The following STON1 variants were observed in gnomAD, a reference collection of about 807,000 sequenced individuals.
The protein encoded by STON1 is stonin-1.
A neutral mutation model predicts 60.9 loss-of-function variants in STON1; 79 were observed. The observed-to-expected ratio is 1.30, with a 90% confidence interval of 1.08 to 1.56. The LOEUF (loss-of-function observed/expected upper bound fraction) is 1.56, where lower values mean the gene tolerates loss of function less well. Ranked by LOEUF, STON1 falls within the 40% of genes most tolerant of loss-of-function variation. The probability of loss-of-function intolerance (pLI) is 0.00; values close to 1 mark genes in which losing one functional copy is unlikely to be tolerated. For synonymous variants in STON1, 363 were observed against 306.9 expected, an observed-to-expected ratio of 1.18 and a Z score of -1.91; for missense variants, 1,166 against 858.9, an observed-to-expected ratio of 1.36 and a Z score of -4.47.
At chr2:48,586,317 T>C (rs1674203570) in intron 2 of STON1, among the ~76,000 whole-genome samples, 1 of 152,212 alleles carries the variant, frequency 6.6e-6, no homozygotes, top group South Asian at 2.1e-4. Flanking sequence ...AGGTATAGGT[T>C]CTGTGCTGAG....
At chr2:48,593,464 A>T (rs1674638943) in intron 3 of STON1, among the ~76,000 whole-genome samples, 1 of 152,228 alleles carries the variant, frequency 6.6e-6, no homozygotes, top group African/African-American at 2.4e-5. Context: ...AAAATTAAAT[A>T]GTGCATTACA....
rs35304210 is a variant in STON1, at chr2:48,597,513, T to C, written c.*2211T>C. The C allele has an allele frequency of 0.23, 34,533 of 152,136 alleles. 4,600 individuals carry two copies. Among genetic ancestry groups the C allele is most frequent in the Middle Eastern group, 0.3 (88 of 292 alleles). 9.4% of individuals were successfully genotyped at this position (152,136 alleles called of 1,614,324 possible). A position where few individuals can be genotyped will look rare whatever the true frequency, so the allele number is the denominator to read the frequency against. The stretch of plus-strand genomic sequence containing the variant: ...ATATTCAGCAAAGGGTTCACTTAGT[T>C]GCCCCTCATGCTTCACAGGTTGACT... On this transcript the variant is annotated 3_prime_UTR_variant, in exon 4 of 4. Transcript: ENST00000404752.
chr2:48,581,508 G>T lies in STON1; in HGVS notation c.875G>T (p.Arg292Leu). 1 of 1,614,154 alleles carries T rather than the reference G, an allele frequency of 6.2e-7. No individual in the cohort carries two copies. The highest frequency in any genetic ancestry group is 8.5e-7 in the Non-Finnish European group (1 of 1,180,032). ...GAGAAGAAGAATATGATGTCTTCCC[G>T]GCAATGGGGACCAATTTTTCTGAAA... ...IPEKKNMMSS[R>L]QWGPIFLKVL... is the part of the protein sequence containing the mutation. The change falls in exon 2 of 4, where the codon CGG becomes CTG. Residue 292 changes from arginine (R) to leucine (L), a missense_variant. Coordinates refer to ENST00000404752, the MANE Select transcript of STON1 (RefSeq NM_006873.4).
intron 1 of STON1, among the ~76,000 whole-genome samples, chr2:48,537,166 A>G (rs1015637007): frequency 2.6e-5 from 4 of 152,230 alleles, no homozygotes; most frequent in African/African-American, 9.6e-5. Flanking sequence ...CTGTGATGAC[A>G]GGCACCCTTG....
At chr2:48,586,164 T>C (rs554832745) in intron 2 of STON1, among the ~76,000 whole-genome samples, 26 of 152,362 alleles carry the variant, frequency 1.7e-4, no homozygotes, top group African/African-American at 5.8e-4. Context: ...CAGACACGTA[T>C]GAAGCTTTTT....
chr2:48,581,872 A>G lies in STON1; in HGVS notation c.1239A>G (p.Gln413=), dbSNP rs749223408. The change falls in exon 2 of 4, where the codon CAA becomes CAG. Residue 413 remains glutamine, a synonymous_variant. Transcript: ENST00000404752. The part of the protein sequence containing the change: ...VSKPKKNYEE[Q]EISLEIVDNF... ...AACCAAAAAAGAACTACGAGGAGCA[A>G]GAAATTTCCTTGGAAATTGTGGACA... 6.2e-7 allele frequency: 1 copy of G among 1,614,166 alleles called. No homozygotes were observed. Among genetic ancestry groups the G allele is most frequent in the Non-Finnish European group, 8.5e-7 (1 of 1,180,034 alleles).
Position 48,580,594 on chromosome 2 carries a change from C to T in STON1, c.-40C>T, listed in dbSNP as rs769026032. 2 of 1,321,700 alleles carry T rather than the reference C, an allele frequency of 1.5e-6. No homozygotes were observed. The allele number at this position is 1,321,700 out of a possible 1,614,324, so 81.9% of individuals were successfully genotyped here. The stretch of plus-strand genomic sequence containing the variant: ...ATTTTATTTTTTTAACAGAGTCAAC[C>T]TATTTGATTTCTTGACAAGACCACA... On this transcript the variant is annotated 5_prime_UTR_variant, in exon 2 of 4. Coordinates refer to ENST00000404752, the MANE Select transcript of STON1 (RefSeq NM_006873.4).
intron 2 of STON1, among the ~76,000 whole-genome samples, chr2:48,583,619 T>TG (rs1265978012): frequency 1.3e-5 from 2 of 151,040 alleles, no homozygotes; most frequent in East Asian, 1.9e-4. Context: ...GTTGTTGGTT[T>TG]TTTTTTTTTT....
chr2:48,591,649 C>G lies in STON1; in HGVS notation c.1931-4C>G. 3.1e-6 allele frequency: 5 copies of G among 1,609,032 alleles called. No individual in the cohort carries two copies. Among genetic ancestry groups the G allele is most frequent in the South Asian group, 1.1e-5 (1 of 90,156 alleles). Reference sequence around the variant, plus strand: ...TTTGACTATTTGATTTTTTTTCCCTCGAGGTCTAGATCATCCCCATTGTCT... The same window carrying G: ...TTTGACTATTTGATTTTTTTTCCCTGGAGGTCTAGATCATCCCCATTGTCT... On this transcript the variant is annotated splice_polypyrimidine_tract_variant and splice_region_variant and intron_variant, in intron 2 of 3. Coordinates refer to ENST00000404752, the MANE Select transcript of STON1 (RefSeq NM_006873.4).
intron 1 of STON1, among the ~76,000 whole-genome samples, chr2:48,561,647 C>T (rs542845607): frequency 2.0e-5 from 3 of 152,294 alleles, no homozygotes; most frequent in Non-Finnish European, 2.9e-5. Flanking sequence ...CCCCTACTTA[C>T]TAGACGCTAG....
chr2:48,554,634 G>A (rs942987511), intron 1 of STON1, among the ~76,000 whole-genome samples: 2 of 152,110 alleles, frequency 1.3e-5, no homozygotes, highest in African/African-American at 2.4e-5. Flanking sequence ...ATAGGCTAAG[G>A]TCGAAAATGT....
intron 1 of STON1, 73 bp from the exon 2 acceptor site, chr2:48,580,514 G>A (rs1443897485): frequency 1.6e-6 from 2 of 1,266,348 alleles, no homozygotes; most frequent in Non-Finnish European, 2.0e-6. Context: ...TTTATCAGAA[G>A]TAAAGACATT....
rs1558604920 is a variant in STON1, at chr2:48,564,489, C to G, written c.-47-16098C>G. 4.0e-4 allele frequency among the ~76,000 whole-genome samples: 10 copies of G among 25,006 alleles called. 1 individual carries two copies. Among genetic ancestry groups the G allele is most frequent in the African/African-American group, 1.1e-3 (6 of 5,708 alleles). 16.4% of individuals were successfully genotyped at this position (25,006 alleles called of 152,430 possible). A position where few individuals can be genotyped will look rare whatever the true frequency, so the allele number is the denominator to read the frequency against. On this transcript the variant is annotated intron_variant, in intron 1 of 3. Coordinates refer to ENST00000404752, the MANE Select transcript of STON1 (RefSeq NM_006873.4). ...CTTCTTCTTCTTCTTCTTTCTTCTT[C>G]TTCTTCTTCTTCTTCTTCTTCTTCT...
chr2:48,577,491 G>C (rs1020710299), intron 1 of STON1, among the ~76,000 whole-genome samples: 10 of 151,270 alleles, frequency 6.6e-5, no homozygotes, highest in Non-Finnish European at 1.2e-4. Flanking sequence ...TGAGGCAGGA[G>C]AATTGATTGA....
At chr2:48,594,011 T>C (rs1011885944) in intron 3 of STON1, among the ~76,000 whole-genome samples, 19 of 152,308 alleles carry the variant, frequency 1.2e-4, no homozygotes, top group East Asian at 7.7e-4. Context: ...TTGCATCAAC[T>C]TGGGCTAACG....
At chr2:48,560,158 G>C (rs1205912297) in intron 1 of STON1, among the ~76,000 whole-genome samples, 2 of 152,202 alleles carry the variant, frequency 1.3e-5, no homozygotes, top group Non-Finnish European at 2.9e-5. Context: ...GACCTGGCGA[G>C]ATCCTTTTTA....
chr2:48,579,977 G>C (rs896112167), intron 1 of STON1, among the ~76,000 whole-genome samples: 4 of 152,174 alleles, frequency 2.6e-5, no homozygotes, highest in African/African-American at 7.2e-5. Flanking sequence ...CACTATCTCA[G>C]CTCACTGCAA....
Position 48,581,181 on chromosome 2 carries a change from C to T in STON1, c.548C>T (p.Ser183Leu). 1.3e-6 allele frequency: 2 copies of T among 1,536,602 alleles called. No homozygotes were observed. Among genetic ancestry groups the T allele is most frequent in the South Asian group, 1.3e-5 (1 of 76,420 alleles). ...TATTTTCGAGAGGACTGTGCTTTTT[C>T]AAGTCCATTTTGGAAAGATGAAGGC... ...FQYFREDCAF[S>L]SPFWKDEGSD... The change falls in exon 2 of 4, where the codon TCA becomes TTA. Residue 183 changes from serine to leucine, a missense_variant. By Grantham distance (145) the Ser-to-Leu change is moderately radical. Coordinates refer to ENST00000404752, the MANE Select transcript of STON1 (RefSeq NM_006873.4).
intron 1 of STON1, among the ~76,000 whole-genome samples, chr2:48,535,585 C>T (rs1671392319): frequency 6.6e-6 from 1 of 152,212 alleles, no homozygotes; most frequent in Non-Finnish European, 1.5e-5. Context: ...TGGCTCATGC[C>T]TGTAATCTCA....
Sources: gnomAD v4.1 joint callset for allele counts (sites outside exome capture counted in the v4.1 genomes callset) on GRCh38, gnomAD v4.1.1 for gene constraint, MANE v1.5 for transcripts, NCBI Gene and HGNC (gene_info 2026-07-23, HGNC 2026-07-21) for gene names.